The following PDILT variants were observed in gnomAD, a reference collection of about 807,000 sequenced individuals.
PDILT encodes protein disulfide isomerase like, testis expressed.
PDILT carries 43 observed loss-of-function variants against 53.7 expected under a neutral mutation model. The ratio of observed to expected loss-of-function variants is 0.80; its 90% confidence interval spans 0.63 to 1.03. The LOEUF is 1.03. Among genes scored for constraint, PDILT ranks in the 50% least tolerant of loss-of-function variants. The probability of loss-of-function intolerance (pLI) is 0.00; values close to 1 mark genes in which losing one functional copy is unlikely to be tolerated. For missense variants in PDILT, 727 were observed against 712.3 expected (o/e 1.02, Z -0.24); for synonymous variants, 282 against 274.2 (o/e 1.03, Z -0.28).
At chr16:20,385,694 A>C (rs1966525188) in intron 2 of PDILT, among the ~76,000 whole-genome samples, 1 of 152,098 alleles carries the variant, frequency 6.6e-6, no homozygotes, top group African/African-American at 2.4e-5. Context: ...CCTCTACACA[A>C]TTCATCCCTG....
intron 8 of PDILT, among the ~76,000 whole-genome samples, chr16:20,366,790 A>G (rs1422182462): frequency 6.6e-6 from 1 of 151,962 alleles, no homozygotes; most frequent in Non-Finnish European, 1.5e-5. Context: ...GGTAGCCTCC[A>G]TCTCTCATCT....
intron 8 of PDILT, among the ~76,000 whole-genome samples, chr16:20,367,047 CTTTCTTTCTTTCT>C (rs1567320742): frequency 1.6e-5 from 1 of 61,192 alleles, no homozygotes; most frequent in African/African-American, 7.4e-5. Flanking sequence ...TTCTTTCTTT[CTTTCTTTCTTTCT>C]TTCTTTCTTT....
chr16:20,401,009 C>T (rs1383889186), intron 1 of PDILT, among the ~76,000 whole-genome samples: 1 of 152,214 alleles, frequency 6.6e-6, no homozygotes. Flanking sequence ...TCTCCTGAGC[C>T]TCTCCCAGGT....
At chr16:20,370,190 C>G (rs1037601706) in intron 7 of PDILT, among the ~76,000 whole-genome samples, 1 of 152,172 alleles carries the variant, frequency 6.6e-6, no homozygotes, top group Non-Finnish European at 1.5e-5. Flanking sequence ...GGAGTGTCTA[C>G]TATGTGTGAG....
intron 10 of PDILT, 104 bp downstream of exon 10, chr16:20,362,300 T>C (rs1243874560): frequency 8.1e-7 from 1 of 1,240,064 alleles, no homozygotes; most frequent in Non-Finnish European, 1.1e-6. Context: ...CAGCTGAGAA[T>C]AAAACTGGTT....
At chr16:20,399,420 C>T in intron 1 of PDILT, 113 bp from the exon 2 acceptor site, 2 of 1,121,994 alleles carry the variant, frequency 1.8e-6, no homozygotes, top group South Asian at 1.4e-5. Flanking sequence ...GTGGCCTGAG[C>T]ATTGCCTCCC....
chr16:20,374,132 A>G (rs1011388042), intron 5 of PDILT, among the ~76,000 whole-genome samples: 1 of 151,412 alleles, frequency 6.6e-6, no homozygotes, highest in African/African-American at 2.4e-5. Flanking sequence ...TTAAAGATGT[A>G]GACTCACTAT....
At chr16:20,363,724 A>G (rs1006198014) in intron 9 of PDILT, among the ~76,000 whole-genome samples, 19 of 152,150 alleles carry the variant, frequency 1.2e-4, no homozygotes, top group Non-Finnish European at 7.3e-5. Context: ...AGGTAATTAC[A>G]TGTCATGTTA....
intron 3 of PDILT, 145 bp from the exon 4 acceptor site, chr16:20,376,346 C>T (rs1567324813): frequency 3.4e-6 from 3 of 883,728 alleles, no homozygotes; most frequent in African/African-American, 3.4e-5. Flanking sequence ...CCTCCATTCC[C>T]CTCTTCCCCA....
intron 1 of PDILT, among the ~76,000 whole-genome samples, chr16:20,400,050 CTATCTATATATATATA>C (rs1182309238): frequency 4.0e-4 from 50 of 123,924 alleles, no homozygotes; most frequent in African/African-American, 1.0e-3. Context: ...ATCTATCTAT[CTATCTATATATATATA>C]TATATATTTT....
intron 8 of PDILT, among the ~76,000 whole-genome samples, 179 bp from the exon 9 acceptor site, chr16:20,365,719 G>A (rs955362403): frequency 5.3e-5 from 8 of 152,152 alleles, no homozygotes; most frequent in Non-Finnish European, 1.0e-4. Context: ...GATGGTTCAG[G>A]GCGATTTGGG....
rs2141716243 is a variant in PDILT at position 20,374,873 on chromosome 16, A to G, written c.630T>C (p.Asn210=). Residue 210 remains asparagine (N), a synonymous_variant, in exon 5 of 12, where the codon AAT becomes AAC. Transcript: ENST00000302451. ...ELTFGVITIG[N]VIGRFHVTLD... ...GGGTGACGTGGAAACGCCCAATGAC[A>G]TTGCCAATCGTTATGACTCCAAACG... is the stretch of plus-strand genomic sequence containing the variant. 6 of 1,614,146 alleles carry G rather than the reference A, an allele frequency of 3.7e-6. No homozygotes were observed. Among genetic ancestry groups the G allele is most frequent in the Non-Finnish European group, 5.1e-6 (6 of 1,179,992 alleles).
chr16:20,402,559 A>G (rs963378220), intron 1 of PDILT, among the ~76,000 whole-genome samples: 4 of 152,192 alleles, frequency 2.6e-5, no homozygotes, highest in Admixed American at 6.5e-5. Context: ...TCGGCCTCCC[A>G]AAGTGTTGGG....
chr16:20,367,618 G>A (rs1167475987), intron 8 of PDILT, among the ~76,000 whole-genome samples: 1 of 152,206 alleles, frequency 6.6e-6, no homozygotes, highest in East Asian at 1.9e-4. Context: ...AGAGAGAGAG[G>A]ATAGGTAGGA....
At chr16:20,365,976 G>T (rs747178419) in intron 8 of PDILT, among the ~76,000 whole-genome samples, 5 of 151,516 alleles carry the variant, frequency 3.3e-5, no homozygotes, top group Non-Finnish European at 5.9e-5. Flanking sequence ...TGTAATCCCA[G>T]CTACTCAGGA....
At chr16:20,375,477 A>G (rs1171101608) in intron 4 of PDILT, among the ~76,000 whole-genome samples, 2 of 152,212 alleles carry the variant, frequency 1.3e-5, no homozygotes, top group Non-Finnish European at 2.9e-5. Context: ...ACCAACTTAT[A>G]GCAAAAGAAT....
Position 20,384,803 on chromosome 16 carries a change from T to A in PDILT, c.251A>T (p.Lys84Ile). ...GCCTTTGCCCATGATCTCCACAGCTTTGCCCAGCTCTTCCGCCAAGTTCCT... is the reference window on the plus strand; with the variant it reads ...GCCTTTGCCCATGATCTCCACAGCTATGCCCAGCTCTTCCGCCAAGTTCCT... ...QSRNLAEELG[K>I]AVEIMGKGKN... The change falls in exon 3 of 12, where the codon AAA becomes ATA. Residue 84 changes from lysine to isoleucine, a missense_variant. Transcript: ENST00000302451. 1 of 1,614,200 alleles carries A rather than the reference T, an allele frequency of 6.2e-7. No individual in the cohort carries two copies. Among genetic ancestry groups the A allele is most frequent in the South Asian group, 1.1e-5 (1 of 91,084 alleles).
In PDILT at chr16:20,359,382, C is replaced by G. The variant is rs1200094944; in HGVS notation, c.1692G>C (p.Val564=). 1 of 1,614,118 alleles carries G rather than the reference C, an allele frequency of 6.2e-7. No homozygotes were observed. Among genetic ancestry groups the G allele is most frequent in the Non-Finnish European group, 8.5e-7 (1 of 1,180,012 alleles). Residue 564 remains valine (V), a synonymous_variant, in exon 12 of 12, where the codon GTG becomes GTC. Transcript: ENST00000302451. ...CTGGAGGTCCCTTTGGCTTAGCCAC[C>G]ACCACCACCACCTCCTCAGATGTTT... ...KKKTSEEVVV[V]VAKPKGPPVQ... is the part of the protein sequence containing the mutation.
At position 20,360,586 on chromosome 16, in the gene PDILT, C is replaced by G. The variant is rs752056958; in HGVS notation, c.1488G>C (p.Lys496Asn). ...SDFLESHIKT[K>N]IEDEDELLSV... ...CCCTTACCTCATCCTCATCCTCAAT[C>G]TTAGTTTTGATGTGGCTTTCCAGGA... The change falls in exon 11 of 12, where the codon AAG (lysine) becomes AAC (asparagine). Residue 496 changes from lysine (K) to asparagine (N), a missense_variant. Coordinates refer to ENST00000302451, the MANE Select transcript of PDILT (RefSeq NM_174924.2). The G allele has an allele frequency of 1.3e-5, 21 of 1,613,826 alleles. No homozygotes were observed. In the South Asian group the frequency reaches 2.1e-4, roughly 16 times the overall value.
Sources: allele counts gnomAD v4.1 joint callset (sites outside exome capture counted in the v4.1 genomes callset), GRCh38; gene constraint gnomAD v4.1.1; transcripts MANE v1.5; gene names NCBI Gene and HGNC (gene_info 2026-07-23, HGNC 2026-07-21).